Variants in MAPKAP1 observed in about 807,000 individuals in gnomAD.
The protein encoded by MAPKAP1 is MAPK associated protein 1.
Under a neutral mutation model 65.7 loss-of-function variants are expected in MAPKAP1, and 20 were observed. The observed-to-expected ratio is 0.30, with a 90% CI of 0.21 to 0.44. The LOEUF (loss-of-function observed/expected upper bound fraction) is 0.44. MAPKAP1 is among the 20% of genes least tolerant of loss of function. The pLI is 1.00. For missense variants in MAPKAP1, 423 were observed against 648.0 expected, an observed-to-expected ratio of 0.65 and a Z score of 3.77; for synonymous variants, 222 against 244.3, an observed-to-expected ratio of 0.91 and a Z score of 0.85.
intron 1 of MAPKAP1, among the ~76,000 whole-genome samples, chr9:125,685,675 GTT>G (rs1179756830): frequency 1.3e-5 from 2 of 152,196 alleles, no homozygotes; most frequent in Non-Finnish European, 2.9e-5. Flanking sequence ...ATAATAATCT[GTT>G]TACATGTTGG....
intron 11 of MAPKAP1, among the ~76,000 whole-genome samples, chr9:125,442,291 T>C (rs937040008): frequency 5.9e-5 from 9 of 152,156 alleles, no homozygotes; most frequent in Non-Finnish European, 1.2e-4. Context: ...TATTTTGATA[T>C]GGAAACAGAC....
intron 9 of MAPKAP1, among the ~76,000 whole-genome samples, chr9:125,481,430 T>C (rs889760441): frequency 2.6e-5 from 4 of 152,114 alleles, no homozygotes; most frequent in Admixed American, 2.0e-4. Flanking sequence ...TTGGGCTTCT[T>C]TTTTTCCTTT....
chr9:125,595,447 T>C lies in MAPKAP1; in HGVS notation c.499-9720A>G. 2 of 815,274 alleles carry C rather than the reference T, an allele frequency of 2.5e-6. No individual in the cohort carries two copies. The highest frequency in any genetic ancestry group is 3.0e-6 in the Non-Finnish European group (2 of 659,518). The allele number at this position is 815,274 out of a possible 1,614,324, so 50.5% of individuals were successfully genotyped here. ...ATCTAGAGCAGCTTTTCTCAGCTGATCCTATTAATTAAAATAATATACATT... is the reference window on the plus strand; with the variant it reads ...ATCTAGAGCAGCTTTTCTCAGCTGACCCTATTAATTAAAATAATATACATT... On this transcript the variant is annotated intron_variant, in intron 4 of 11. Coordinates refer to ENST00000265960, the MANE Select transcript of MAPKAP1 (RefSeq NM_001006617.3). The surrounding 1 kb of genome is among the most constrained non-coding windows in gnomAD (Gnocchi z 4.0).
chr9:125,637,938 A>G (rs896781604), intron 4 of MAPKAP1, among the ~76,000 whole-genome samples: 1 of 152,070 alleles, frequency 6.6e-6, no homozygotes, highest in Non-Finnish European at 1.5e-5. Context: ...ACACCTGGCT[A>G]ATTTTTGTGT....
chr9:125,503,880 C>CATTT (rs1829057633), intron 8 of MAPKAP1, among the ~76,000 whole-genome samples: 1 of 66,258 alleles, frequency 1.5e-5, no homozygotes, highest in Non-Finnish European at 2.5e-5. Context: ...CCACGCTTGG[C>CATTT]TTTTTTTTTT....
chr9:125,441,665 T>C (rs1480883220), intron 11 of MAPKAP1, among the ~76,000 whole-genome samples: 3 of 152,176 alleles, frequency 2.0e-5, no homozygotes, highest in African/African-American at 7.2e-5. Context: ...CATGCATTAC[T>C]AGAGTCTAAA....
intron 4 of MAPKAP1, among the ~76,000 whole-genome samples, chr9:125,642,304 C>CT (rs1430623917): frequency 2.0e-5 from 3 of 151,924 alleles, no homozygotes; most frequent in Non-Finnish European, 2.9e-5. Flanking sequence ...TCCTTTCATA[C>CT]TTTTTTCTAT....
chr9:125,481,842 A>C (rs1417018421), intron 9 of MAPKAP1, among the ~76,000 whole-genome samples: 1 of 151,834 alleles, frequency 6.6e-6, no homozygotes, highest in Non-Finnish European at 1.5e-5. Context: ...TCATAAACTG[A>C]AAGTGTGGCC....
intron 4 of MAPKAP1, among the ~76,000 whole-genome samples, chr9:125,646,781 A>G (rs993361816): frequency 4.6e-5 from 7 of 152,228 alleles, no homozygotes; most frequent in Non-Finnish European, 8.8e-5. Flanking sequence ...CAGTTTTAGA[A>G]AAGTGGTTAT....
At chr9:125,669,750 TA>T in intron 3 of MAPKAP1, 67 bp downstream of exon 3, 1 of 781,974 alleles carries the variant, frequency 1.3e-6, no homozygotes, top group Non-Finnish European at 2.0e-6. Context: ...GAATTAAAAA[TA>T]AAAGTTCTTA....
chr9:125,649,164 C>G (rs1354494822), intron 4 of MAPKAP1, among the ~76,000 whole-genome samples: 2 of 152,106 alleles, frequency 1.3e-5, no homozygotes, highest in Non-Finnish European at 2.9e-5. Context: ...TAAAATGACA[C>G]CATCCCTAGT....
intron 5 of MAPKAP1, among the ~76,000 whole-genome samples, chr9:125,581,032 A>C (rs1007212112): frequency 9.9e-5 from 15 of 152,260 alleles, no homozygotes; most frequent in Admixed American, 3.3e-4. Context: ...GCATGTATGA[A>C]AACGGTTTGT....
chr9:125,667,005 G>A (rs1330651169), intron 3 of MAPKAP1, among the ~76,000 whole-genome samples: 1 of 152,178 alleles, frequency 6.6e-6, no homozygotes, highest in Admixed American at 6.5e-5. Context: ...TTCTCCAGAA[G>A]TAAGACCACA....
chr9:125,670,454 A>G (rs1055765352), intron 2 of MAPKAP1, among the ~76,000 whole-genome samples: 1 of 152,224 alleles, frequency 6.6e-6, no homozygotes, highest in African/African-American at 2.4e-5. Context: ...AACAGTTTAT[A>G]GGTAGTAAAA....
chr9:125,534,665 AT>A (rs1316025105), intron 7 of MAPKAP1, among the ~76,000 whole-genome samples: 3 of 152,280 alleles, frequency 2.0e-5, no homozygotes, highest in Non-Finnish European at 2.9e-5. Context: ...AGAAATTCTG[AT>A]TATATATTGC....
intron 4 of MAPKAP1, among the ~76,000 whole-genome samples, chr9:125,649,469 G>A (rs531726452): frequency 6.6e-6 from 1 of 152,128 alleles, no homozygotes; most frequent in African/African-American, 2.4e-5. Context: ...GAATGGCCTG[G>A]TGAGTCAGGC....
chr9:125,466,948 T>C (rs940331810), intron 10 of MAPKAP1, among the ~76,000 whole-genome samples: 8 of 152,384 alleles, frequency 5.2e-5, no homozygotes, highest in African/African-American at 1.7e-4. Flanking sequence ...TTGAATCGTA[T>C]TACAAACACT....
intron 10 of MAPKAP1, among the ~76,000 whole-genome samples, chr9:125,467,709 C>T (rs1853731332): frequency 6.6e-6 from 1 of 152,164 alleles, no homozygotes; most frequent in Non-Finnish European, 1.5e-5. Context: ...CCTGTGCCCC[C>T]AGCTCCCGGG....
chr9:125,635,819 A>G (rs1386096167), intron 4 of MAPKAP1, among the ~76,000 whole-genome samples: 2 of 152,242 alleles, frequency 1.3e-5, no homozygotes, highest in African/African-American at 4.8e-5. Context: ...TGTCATTTGC[A>G]TACCTACCAG....
Sources: allele counts gnomAD v4.1 joint callset (sites outside exome capture counted in the v4.1 genomes callset), GRCh38; gene constraint gnomAD v4.1.1; non-coding constraint Gnocchi (gnomAD v3.1); transcripts MANE v1.5; gene names NCBI Gene and HGNC (gene_info 2026-07-23, HGNC 2026-07-21).